Variants in NVL observed in about 807,000 individuals in gnomAD.
The protein encoded by NVL is nuclear valosin-containing protein-like.
NVL carries 84 observed loss-of-function variants against 110.2 expected under a neutral mutation model. The observed-to-expected ratio is 0.76, with a 90% CI of 0.64 to 0.91. The LOEUF is 0.91. NVL is among the 40% of genes least tolerant of loss of function. The pLI is 0.00. For missense variants in NVL, 882 were observed against 1,035.9 expected (o/e 0.85, Z 2.04); for synonymous variants, 354 against 361.1 (o/e 0.98, Z 0.22).
rs184502204 is a variant in NVL, at chr1:224,238,207, A to G, written c.2290-1625T>C. Among the ~76,000 whole-genome samples the G allele has an allele frequency of 5.6e-3, 855 of 151,666 alleles. 9 individuals carry two copies. The highest frequency in any genetic ancestry group is 0.019 in the African/African-American group (785 of 41,312). ...CACCACACACCTGGCTAATTTTTGT[A>G]TTTTTTGTAGAGATGGGGTTTCACG... On this transcript the variant is annotated intron_variant, in intron 19 of 22. Transcript: ENST00000281701.
At chr1:224,299,364 T>C (rs10916583) in intron 10 of NVL, among the ~76,000 whole-genome samples, 17,960 of 152,160 alleles carry the variant, frequency 0.12, 1,605 homozygotes, top group East Asian at 0.42. Flanking sequence ...AAAGAAAGCA[T>C]AGTTTTCAAC....
chr1:224,247,049 C>A (rs115395077), intron 19 of NVL, among the ~76,000 whole-genome samples: 7 of 135,022 alleles, frequency 5.2e-5, no homozygotes, highest in African/African-American at 2.1e-4. Context: ...TTTTGACATA[C>A]TGTGTCAAAA....
chr1:224,277,957 C>T (rs762581590), intron 16 of NVL, among the ~76,000 whole-genome samples: 2 of 152,162 alleles, frequency 1.3e-5, no homozygotes, highest in South Asian at 4.1e-4. Context: ...TTCTTTATCC[C>T]TTAATTGTTC....
chr1:224,296,637 C>CA lies in NVL; in HGVS notation c.1063-20dup, dbSNP rs1213226770. 6.9e-7 allele frequency: 1 copy of CA among 1,446,592 alleles called. No individual in the cohort carries two copies. The allele number at this position is 1,446,592 out of a possible 1,614,324, so 89.6% of individuals were successfully genotyped here. ...CATTTGACTAGAAATAAAAATATCA[C>CA]AAAAAGACAATCATAAATGCATCCC... On this transcript the variant is annotated intron_variant, in intron 10 of 22. Coordinates refer to ENST00000281701, the MANE Select transcript of NVL (RefSeq NM_002533.4).
chr1:224,306,344 G>A (rs1294212833), intron 6 of NVL, among the ~76,000 whole-genome samples: 1 of 152,070 alleles, frequency 6.6e-6, no homozygotes, highest in East Asian at 1.9e-4. Flanking sequence ...TCAGCGCACT[G>A]CAAGCTCCGC....
At chr1:224,273,047 AAAAACAAACAAAC>A (rs1558287124) in intron 17 of NVL, among the ~76,000 whole-genome samples, 2 of 143,638 alleles carry the variant, frequency 1.4e-5, no homozygotes, top group African/African-American at 5.5e-5. Context: ...AAAAAACAAA[AAAAACAAACAAAC>A]AAAAAAAAAC....
chr1:224,233,314 C>A, intron 20 of NVL, 25 bp from the exon 21 acceptor site: 1 of 1,566,676 alleles, frequency 6.4e-7, no homozygotes, highest in Non-Finnish European at 8.7e-7. Flanking sequence ...TAGTTATCTA[C>A]TTATTCTTAG....
At chr1:224,259,018 T>C (rs980026528) in intron 18 of NVL, among the ~76,000 whole-genome samples, 27 of 138,376 alleles carry the variant, frequency 2.0e-4, no homozygotes, top group African/African-American at 7.2e-4. Flanking sequence ...AGTAGATTAG[T>C]GGTTGCCTAA....
At chr1:224,296,655 T>G (rs1558322065) in intron 10 of NVL, 37 bp from the exon 11 acceptor site, 12 of 1,266,560 alleles carry the variant, frequency 9.5e-6, no homozygotes, top group African/African-American at 1.5e-5. Flanking sequence ...CAATCATAAA[T>G]GCATCCCCTA....
chr1:224,253,731 C>CAAA (rs770232348), intron 18 of NVL, among the ~76,000 whole-genome samples: 36 of 55,696 alleles, frequency 6.5e-4, no homozygotes, highest in Middle Eastern at 0.011. Flanking sequence ...GGCTCGGTCT[C>CAAA]AAAAAAAAAA....
chr1:224,325,013 CA>C (rs1337579254), intron 2 of NVL, among the ~76,000 whole-genome samples: 1 of 152,288 alleles, frequency 6.6e-6, no homozygotes, highest in African/African-American at 2.4e-5. Flanking sequence ...ATAACCCCAG[CA>C]CTTTGGGAGG....
At chr1:224,271,742 G>A (rs1665129670) in intron 17 of NVL, among the ~76,000 whole-genome samples, 1 of 152,172 alleles carries the variant, frequency 6.6e-6, no homozygotes, top group African/African-American at 2.4e-5. Flanking sequence ...GCCAGGCGCG[G>A]TGGCTCACGC....
chr1:224,292,753 CTT>C (rs977238478), intron 12 of NVL, among the ~76,000 whole-genome samples: 1 of 145,746 alleles, frequency 6.9e-6, no homozygotes, highest in Non-Finnish European at 1.5e-5. Context: ...CATTAAATAC[CTT>C]TTTTTTTTTG....
chr1:224,305,362 T>A, intron 6 of NVL, 196 bp from the exon 7 acceptor site: 1 of 543,148 alleles, frequency 1.8e-6, no homozygotes, highest in East Asian at 3.2e-5. Context: ...TAAAGCTCAG[T>A]TTAAATCTTA....
chr1:224,276,911 TTGA>T (rs1665814954), intron 16 of NVL, among the ~76,000 whole-genome samples: 1 of 120,068 alleles, frequency 8.3e-6, no homozygotes, highest in Non-Finnish European at 1.8e-5. Context: ...TTTCTGGACT[TTGA>T]CACATAAAAC....
intron 4 of NVL, among the ~76,000 whole-genome samples, chr1:224,316,728 T>A (rs930028713): frequency 2.6e-5 from 4 of 151,824 alleles, no homozygotes; most frequent in Non-Finnish European, 5.9e-5. Context: ...AGAAATGAAT[T>A]GCAAAGCGGA....
In NVL at chr1:224,326,470, A is replaced by G. The variant is rs377708530; in HGVS notation, c.58-6T>C. 2.7e-4 allele frequency: 427 copies of G among 1,595,348 alleles called. No homozygotes were observed. Among genetic ancestry groups the G allele is most frequent in the Non-Finnish European group, 3.4e-4 (402 of 1,166,320 alleles). On this transcript the variant is annotated splice_region_variant and splice_polypyrimidine_tract_variant and intron_variant, in intron 1 of 22. Coordinates refer to ENST00000281701, the MANE Select transcript of NVL (RefSeq NM_002533.4). ...CATTTGTTACTGGTAAGGTACTAAA[A>G]CAGAAAATATAACAAATACAAAACA... is the stretch of plus-strand genomic sequence containing the variant.
chr1:224,287,892 A>C lies in NVL; in HGVS notation c.1677T>G (p.Ala559=), dbSNP rs138081362. ...TGGCAGAGGGTTGGACTGAGGATAG[A>C]GCAACAATGAAATCATTCAGTTCAA... is the stretch of plus-strand genomic sequence containing the variant. ...LCIELNDFIV[A]LSSVQPSAKR... is the part of the protein sequence containing the mutation. Residue 559 remains alanine, a synonymous_variant, in exon 14 of 23, where the codon GCT becomes GCG. Coordinates refer to ENST00000281701, the MANE Select transcript of NVL (RefSeq NM_002533.4). The C allele has an allele frequency of 3.1e-6, 5 of 1,614,140 alleles. No homozygotes were observed. Among genetic ancestry groups the C allele is most frequent in the African/African-American group, 2.7e-5 (2 of 75,056 alleles).
At chr1:224,237,467 A>T (rs1183959502) in intron 19 of NVL, among the ~76,000 whole-genome samples, 1 of 152,190 alleles carries the variant, frequency 6.6e-6, no homozygotes, top group African/African-American at 2.4e-5. Context: ...TTCTCATGAG[A>T]CTGGATGTAG....
Sources: allele counts gnomAD v4.1 joint callset (sites outside exome capture counted in the v4.1 genomes callset), GRCh38; gene constraint gnomAD v4.1.1; transcripts MANE v1.5; gene names NCBI Gene and HGNC (gene_info 2026-07-23, HGNC 2026-07-21).